The following AIM2 variants were observed in gnomAD, a reference collection of about 807,000 sequenced individuals.
AIM2 encodes absent in melanoma 2.
Under a neutral mutation model 27.7 loss-of-function variants are expected in AIM2, and 30 were observed. The ratio of observed to expected loss-of-function variants is 1.08; its 90% CI spans 0.81 to 1.47. The LOEUF (loss-of-function observed/expected upper bound fraction) is 1.47, where lower values mean the gene tolerates loss of function less well. Among genes scored for constraint, AIM2 ranks in the 40% most tolerant of loss-of-function variants. The probability of loss-of-function intolerance (pLI) is 0.00; values close to 1 mark genes in which losing one functional copy is unlikely to be tolerated. For synonymous variants in AIM2, 141 were observed against 145.3 expected, an observed-to-expected ratio of 0.97 and a Z score of 0.21; for missense variants, 358 against 411.3, an observed-to-expected ratio of 0.87 and a Z score of 1.12.
chr1:159,094,897 A>G (rs1657137503), intron 1 of AIM2, among the ~76,000 whole-genome samples: 1 of 152,192 alleles, frequency 6.6e-6, no homozygotes, highest in Admixed American at 6.5e-5. Context: ...TTCTTAGTCT[A>G]GGCTGCTTAT....
intron 1 of AIM2, among the ~76,000 whole-genome samples, chr1:159,090,560 T>A (rs886907564): frequency 1.3e-5 from 2 of 152,224 alleles, no homozygotes; most frequent in Non-Finnish European, 2.9e-5. Context: ...TATCTCTAAA[T>A]AAAAATGTTT....
At chr1:159,145,113 G>A (rs914418956), upstream of AIM2, among the ~76,000 whole-genome samples, 1 of 152,250 alleles carries the variant, frequency 6.6e-6, no homozygotes, top group South Asian at 2.1e-4. Flanking sequence ...GCTAGCCCAG[G>A]TCTTTCCTCC....
At chr1:159,146,982 C>G (rs1570988449) in intron 1 of AIM2, 1 of 152,234 alleles carries the variant, frequency 6.6e-6, no homozygotes, top group African/African-American at 2.4e-5. Context: ...CCATCCCATC[C>G]ATACAGCACC....
chr1:159,100,379 C>G (rs1291080459), intron 1 of AIM2, among the ~76,000 whole-genome samples: 3 of 151,772 alleles, frequency 2.0e-5, no homozygotes, highest in Non-Finnish European at 2.9e-5. Context: ...TCTAATACAT[C>G]AAATGTATGT....
the AIM2 span, among the ~76,000 whole-genome samples, chr1:159,056,788 C>A: frequency 2.0e-5 from 3 of 147,912 alleles, no homozygotes; most frequent in Admixed American, 6.8e-5. Flanking sequence ...GGGTTCCCTT[C>A]CCCTGAGCCC....
At chr1:159,083,826 T>C (rs974102614) in intron 1 of AIM2, among the ~76,000 whole-genome samples, 1 of 152,224 alleles carries the variant, frequency 6.6e-6, no homozygotes, top group African/African-American at 2.4e-5. Context: ...ACTAGTCCTA[T>C]TGGAAGGAAT....
upstream of AIM2, among the ~76,000 whole-genome samples, chr1:159,145,382 T>C (rs1648183411): frequency 6.6e-6 from 1 of 152,204 alleles, no homozygotes; most frequent in South Asian, 2.1e-4. Flanking sequence ...TTCCCAAGTC[T>C]ATCTTTCCTC....
At chr1:159,144,745 C>T (rs1303469901), upstream of AIM2, among the ~76,000 whole-genome samples, 5 of 152,164 alleles carry the variant, frequency 3.3e-5, no homozygotes, top group African/African-American at 1.2e-4. Flanking sequence ...TGCTCATACA[C>T]TATTTCATTC....
At chr1:159,081,385 T>C (rs573909686), upstream of AIM2, 7 of 322,856 alleles carry the variant, frequency 2.2e-5, no homozygotes, top group African/African-American at 1.3e-4. Flanking sequence ...TTGCAAACTT[T>C]CTAAATTTTC....
Position 159,062,541 on chromosome 1 carries a change from C to T in AIM2, c.*151G>A. The T allele has an allele frequency of 4.5e-6, 3 of 662,864 alleles. No homozygotes were observed. Among genetic ancestry groups the T allele is most frequent in the South Asian group, 1.9e-5 (1 of 52,128 alleles). 41.1% of individuals were successfully genotyped at this position (662,864 alleles called of 1,614,324 possible). On this transcript the variant is annotated 3_prime_UTR_variant, in exon 6 of 6. Coordinates refer to ENST00000368130, the MANE Select transcript of AIM2 (RefSeq NM_004833.3). The stretch of plus-strand genomic sequence containing the variant: ...TGTTGATATTCTGAATTTGTTTATC[C>T]AGCAATTATTCTATCCTAATTTGGT...
upstream of AIM2, chr1:159,081,500 A>T: frequency 1.9e-6 from 1 of 521,502 alleles, no homozygotes. Flanking sequence ...CTCTGACTGC[A>T]GAATAATTTT....
At chr1:159,082,898 G>A (rs182860309) in intron 1 of AIM2, among the ~76,000 whole-genome samples, 6 of 152,192 alleles carry the variant, frequency 3.9e-5, no homozygotes, top group Admixed American at 1.3e-4. Flanking sequence ...ACAGGGGGAC[G>A]GAAAGCTCAA....
chr1:159,065,761 C>T, intron 4 of AIM2, 149 bp downstream of exon 4: 2 of 829,368 alleles, frequency 2.4e-6, no homozygotes, highest in Non-Finnish European at 3.4e-6. Context: ...TGAATTTTGG[C>T]ATGTTTACTC....
At chr1:159,072,028 C>A (rs1656382782) in intron 2 of AIM2, among the ~76,000 whole-genome samples, 1 of 152,116 alleles carries the variant, frequency 6.6e-6, no homozygotes, top group Non-Finnish European at 1.5e-5. Context: ...AGAATTAATT[C>A]TTGATTTATT....
chr1:159,097,344 A>G (rs976312144), intron 1 of AIM2, among the ~76,000 whole-genome samples: 5 of 152,072 alleles, frequency 3.3e-5, no homozygotes, highest in Non-Finnish European at 7.3e-5. Context: ...TCTAACTCCA[A>G]GGTGAATTAT....
intron 1 of AIM2, among the ~76,000 whole-genome samples, chr1:159,098,257 C>T (rs528257984): frequency 2.0e-5 from 3 of 152,200 alleles, no homozygotes; most frequent in East Asian, 3.9e-4. Context: ...TTCATATTGT[C>T]GGCACAAGCC....
chr1:159,133,201 C>T (rs1647939537), intron 1 of AIM2, among the ~76,000 whole-genome samples: 1 of 152,064 alleles, frequency 6.6e-6, no homozygotes, highest in Non-Finnish European at 1.5e-5. Flanking sequence ...CTTTCTCTCT[C>T]TCTTAATGAT....
chr1:159,120,231 C>T (rs1647496964), intron 1 of AIM2, among the ~76,000 whole-genome samples: 1 of 152,020 alleles, frequency 6.6e-6, no homozygotes, highest in South Asian at 2.1e-4. Context: ...TTACGATTTC[C>T]TTGAGTACTT....
rs560633811 is a variant in AIM2, at chr1:159,094,429, G to C, written c.-15-28100C>G. Among the ~76,000 whole-genome samples the C allele has an allele frequency of 2.0e-5, 3 of 152,318 alleles. No homozygotes were observed. In the South Asian group the frequency reaches 6.2e-4, roughly 32 times the overall value. ...TAAGAAATCAAGGCCAGGTGCAGTG[G>C]CTCATGCCTGTAATTCCAGCACTTT... On this transcript the variant is annotated intron_variant, in intron 1 of 2. Transcript: ENST00000368129.
Sources: gnomAD v4.1 joint callset for allele counts (sites outside exome capture counted in the v4.1 genomes callset) on GRCh38, gnomAD v4.1.1 for gene constraint, MANE v1.5 for transcripts, NCBI Gene and HGNC (gene_info 2026-07-23, HGNC 2026-07-21) for gene names.